The following PUS10 variants were observed in gnomAD, a reference collection of about 807,000 sequenced individuals.
PUS10 encodes the protein tRNA pseudouridine synthase Pus10.
Under a neutral mutation model 75.0 loss-of-function variants are expected in PUS10, and 59 were observed. The observed-to-expected ratio is 0.79, with a 90% CI of 0.64 to 0.98. The LOEUF is 0.98. Ranked by LOEUF, PUS10 falls within the 50% of genes least tolerant of loss-of-function variation. The pLI is 0.00. For missense variants in PUS10, 650 were observed against 614.4 expected, an observed-to-expected ratio of 1.06 and a Z score of -0.61; for synonymous variants, 219 against 211.6, an observed-to-expected ratio of 1.03 and a Z score of -0.30.
chr2:60,985,489 G>C (rs1436022046), intron 4 of PUS10, among the ~76,000 whole-genome samples: 1 of 152,024 alleles, frequency 6.6e-6, no homozygotes, highest in Non-Finnish European at 1.5e-5. Context: ...TTGTGCTAAA[G>C]ATGAAATATT....
intron 11 of PUS10, among the ~76,000 whole-genome samples, chr2:60,958,740 G>T (rs906624898): frequency 6.6e-6 from 1 of 152,094 alleles, no homozygotes; most frequent in South Asian, 2.1e-4. Context: ...AAAAAAATTA[G>T]CCAGGCATGG....
At chr2:60,972,268 C>A (rs1440981568) in intron 4 of PUS10, among the ~76,000 whole-genome samples, 2 of 149,836 alleles carry the variant, frequency 1.3e-5, no homozygotes, top group Non-Finnish European at 3.0e-5. Flanking sequence ...TCGAGACCAT[C>A]CTGGCTAACA....
intron 15 of PUS10, among the ~76,000 whole-genome samples, chr2:60,948,832 G>A (rs188445641): frequency 6.6e-6 from 1 of 152,196 alleles, no homozygotes; most frequent in Admixed American, 6.5e-5. Context: ...TATGTCACAA[G>A]ATAAAAATTA....
intron 7 of PUS10, 33 bp downstream of exon 7, chr2:60,965,390 T>C (rs1356793281): frequency 6.5e-7 from 1 of 1,549,672 alleles, no homozygotes; most frequent in South Asian, 1.1e-5. Flanking sequence ...TTAACAATTT[T>C]ACACCATTGA....
chr2:60,972,618 TA>T (rs769302471), intron 4 of PUS10, among the ~76,000 whole-genome samples: 8 of 152,208 alleles, frequency 5.3e-5, no homozygotes, highest in Non-Finnish European at 1.0e-4. Context: ...CAGCATTTTG[TA>T]AACATGACGG....
At chr2:60,945,240 G>A in intron 16 of PUS10, 132 bp from the exon 17 acceptor site, 1 of 574,530 alleles carries the variant, frequency 1.7e-6, no homozygotes, top group Non-Finnish European at 3.1e-6. Context: ...TGACTTGTGT[G>A]TCTTAAAAAA....
At chr2:60,994,681 C>T (rs1051956168) in intron 4 of PUS10, among the ~76,000 whole-genome samples, 10 of 152,152 alleles carry the variant, frequency 6.6e-5, no homozygotes, top group African/African-American at 2.4e-4. Context: ...CATATTTTTA[C>T]CAAGAATCCT....
chr2:60,952,252 T>C (rs922882213), intron 15 of PUS10, among the ~76,000 whole-genome samples: 5 of 150,182 alleles, frequency 3.3e-5, no homozygotes, highest in African/African-American at 7.4e-5. Flanking sequence ...GAGAATCGCT[T>C]GAACCCAGGA....
At position 60,940,547 on chromosome 2, in the gene PUS10, G is replaced by A. The variant is rs1363856454; in HGVS notation, c.*1848C>T. On this transcript the variant is annotated 3_prime_UTR_variant, in exon 18 of 18. Coordinates refer to ENST00000316752, the MANE Select transcript of PUS10 (RefSeq NM_144709.4). ...TGTCTCAAAATTCTAGGAACATTTG[G>A]AAGAAGTATTTAAAGCTAATGCTTA... is the stretch of plus-strand genomic sequence containing the variant. The A allele has an allele frequency of 6.6e-6, 1 of 152,166 alleles. No homozygotes were observed. Among genetic ancestry groups the A allele is most frequent in the East Asian group, 1.9e-4 (1 of 5,338 alleles). 9.4% of individuals were successfully genotyped at this position (152,166 alleles called of 1,614,324 possible). A position where few individuals can be genotyped will look rare whatever the true frequency, so the allele number is the denominator to read the frequency against.
rs936098967 is a variant in PUS10, at chr2:61,017,827, G to C, written c.-16+181C>G. The stretch of plus-strand genomic sequence containing the variant: ...CGCCGAATTCCGGGAGCCGGACCGG[G>C]ACCAGGACCGGGCCCCACTTTCCAG... On this transcript the variant is annotated intron_variant, in intron 1 of 17. Coordinates refer to ENST00000316752, the MANE Select transcript of PUS10 (RefSeq NM_144709.4). The C allele has an allele frequency of 5.2e-6, 8 of 1,550,426 alleles. No homozygotes were observed. The Admixed American group carries it at 5.9e-5, about 11-fold the overall frequency.
rs1043180936 is a variant in PUS10, at chr2:60,940,668, A to G, written c.*1727T>C. 3.3e-5 allele frequency: 5 copies of G among 152,350 alleles called. No homozygotes were observed. Among genetic ancestry groups the G allele is most frequent in the African/African-American group, 9.6e-5 (4 of 41,468 alleles). 9.4% of individuals were successfully genotyped at this position (152,350 alleles called of 1,614,324 possible). On this transcript the variant is annotated 3_prime_UTR_variant, in exon 18 of 18. Transcript: ENST00000316752. ...TGCTAAGCACATTCTTCATTCTTAC[A>G]TATTACAGGTCCACTAGATTCAAAG...
At chr2:60,996,102 G>C (rs1678441991) in intron 4 of PUS10, among the ~76,000 whole-genome samples, 1 of 152,200 alleles carries the variant, frequency 6.6e-6, no homozygotes, top group Non-Finnish European at 1.5e-5. Context: ...TTCTAGTCCT[G>C]CTTGACTGTG....
chr2:60,943,037 A>G (rs547226979), intron 17 of PUS10, among the ~76,000 whole-genome samples: 22 of 85,276 alleles, frequency 2.6e-4, no homozygotes, highest in African/African-American at 7.5e-4. Context: ...TCTATCTCAG[A>G]AAAAAAAAAA....
At chr2:60,982,834 AT>A (rs771254790) in intron 4 of PUS10, among the ~76,000 whole-genome samples, 1,574 of 146,042 alleles carry the variant, frequency 0.011, 13 homozygotes, top group Middle Eastern at 0.039. Context: ...ATTAAGTCGA[AT>A]TTTTTTTTTT....
chr2:61,004,109 G>A (rs1679043162), intron 4 of PUS10, among the ~76,000 whole-genome samples: 1 of 152,136 alleles, frequency 6.6e-6, no homozygotes, highest in Admixed American at 6.5e-5. Flanking sequence ...CTAAGGTAGA[G>A]ATATTTACAA....
chr2:60,987,913 C>A (rs1677821861), intron 4 of PUS10, among the ~76,000 whole-genome samples: 1 of 149,754 alleles, frequency 6.7e-6, no homozygotes, highest in South Asian at 2.1e-4. Flanking sequence ...ACACAGAGAG[C>A]CTCTGTCTCA....
chr2:61,001,745 G>A (rs946444058), intron 4 of PUS10, among the ~76,000 whole-genome samples: 2 of 152,182 alleles, frequency 1.3e-5, no homozygotes, highest in Admixed American at 1.3e-4. Context: ...AAGCCTTTGT[G>A]TAAAAACAGA....
At chr2:60,977,722 T>C (rs971094457) in intron 4 of PUS10, among the ~76,000 whole-genome samples, 3 of 152,204 alleles carry the variant, frequency 2.0e-5, no homozygotes, top group East Asian at 1.9e-4. Context: ...CTGGCTCTTA[T>C]AGACATCTGA....
At chr2:61,010,641 A>G in intron 2 of PUS10, 1 of 903,938 alleles carries the variant, frequency 1.1e-6, no homozygotes, top group Non-Finnish European at 1.6e-6. Flanking sequence ...TGGTTTTCAA[A>G]GTGTTTCCAC....
Sources: allele counts gnomAD v4.1 joint callset (sites outside exome capture counted in the v4.1 genomes callset), GRCh38; gene constraint gnomAD v4.1.1; transcripts MANE v1.5; gene names NCBI Gene and HGNC (gene_info 2026-07-23, HGNC 2026-07-21).